The following SNRPN variants were observed in gnomAD, a reference collection of about 807,000 sequenced individuals.
SNRPN encodes the protein small nuclear ribonucleoprotein polypeptide N, also known as small nuclear ribonucleoprotein-associated protein N.
SNRPN carries 7 observed loss-of-function variants against 25.2 expected under a neutral mutation model. The observed-to-expected ratio is 0.28, with a 90% CI of 0.16 to 0.52. The LOEUF (loss-of-function observed/expected upper bound fraction) is 0.52, where lower values mean the gene tolerates loss of function less well. Ranked by LOEUF, SNRPN falls within the 20% of genes least tolerant of loss-of-function variation. SNRPN has a pLI of 0.96. For synonymous variants in SNRPN, 124 were observed against 110.6 expected (o/e 1.12, Z -0.76); for missense variants, 196 against 322.5 (o/e 0.61, Z 3.00).
intron 1 of SNRPN, among the ~76,000 whole-genome samples, chr15:24,870,013 G>T (rs12592134): frequency 6.6e-6 from 1 of 151,912 alleles, no homozygotes; most frequent in African/African-American, 2.4e-5. Context: ...TTCATAGCTC[G>T]AATTGTTCCA....
chr15:24,902,108 G>A (rs986714426), intron 2 of SNRPN, among the ~76,000 whole-genome samples: 8 of 152,160 alleles, frequency 5.3e-5, no homozygotes, highest in African/African-American at 7.2e-5. Context: ...TAGCATTTCC[G>A]TTGCATTTTT....
intron 2 of SNRPN, among the ~76,000 whole-genome samples, chr15:24,899,300 T>G (rs2058291298): frequency 6.6e-6 from 1 of 152,232 alleles, no homozygotes; most frequent in South Asian, 2.1e-4. Flanking sequence ...ATTCCTTTAA[T>G]TAAAAGAACT....
At chr15:24,955,097 C>G (rs1289376125) in intron 1 of SNRPN, 35 bp downstream of exon 1, 2 of 1,613,318 alleles carry the variant, frequency 1.2e-6, no homozygotes, top group African/African-American at 2.7e-5. Flanking sequence ...CAAGAGACAG[C>G]CTGGGGAGCG....
In SNRPN at chr15:24,864,033, T is replaced by TTA. The variant is rs1270870944; in HGVS notation, c.-579+7318_-579+7319insAT. Among the ~76,000 whole-genome samples the TTA allele has an allele frequency of 3.1e-4, 44 of 143,308 alleles. 3 individuals carry two copies. Among genetic ancestry groups the TTA allele is most frequent in the African/African-American group, 1.2e-3 (44 of 38,032 alleles). The allele number at this position is 143,308 out of a possible 152,430, so 94.0% of individuals were successfully genotyped here. ...TTTATTTATTTTTATTTTATTATTA[T>TTA]TTTTTTTTTTGGAGAGGGAGTCTCT... On this transcript the variant is annotated intron_variant, in intron 1 of 11. Transcript: ENST00000400097.
chr15:24,969,849 A>T (rs890514838), intron 3 of SNRPN, among the ~76,000 whole-genome samples: 1 of 152,208 alleles, frequency 6.6e-6, no homozygotes, highest in African/African-American at 2.4e-5. Flanking sequence ...ATGAAATTTT[A>T]TTGGAACACA....
chr15:24,892,880 G>A (rs12324146), intron 2 of SNRPN, among the ~76,000 whole-genome samples: 62,996 of 151,782 alleles, frequency 0.42, 14,333 homozygotes, highest in East Asian at 0.68. Context: ...GGGAAGATCC[G>A]GATCAAAAGG....
intron 1 of SNRPN, among the ~76,000 whole-genome samples, chr15:24,867,761 A>G (rs753879767): frequency 2.6e-5 from 4 of 152,104 alleles, no homozygotes; most frequent in Non-Finnish European, 2.9e-5. Context: ...GGTGGTTTTG[A>G]GCCATTGAAA....
intron 2 of SNRPN, among the ~76,000 whole-genome samples, chr15:24,845,003 A>G (rs2144330192): frequency 6.6e-6 from 1 of 152,244 alleles, no homozygotes; most frequent in South Asian, 2.1e-4. Context: ...AAGGGTGAAG[A>G]GTTTTGTTTT....
chr15:24,943,998 T>G, intron 3 of SNRPN, among the ~76,000 whole-genome samples: 1 of 152,016 alleles, frequency 6.6e-6, no homozygotes, highest in East Asian at 1.9e-4. Flanking sequence ...ATTTTTGTAT[T>G]TTTAGTAGAG....
At chr15:24,872,305 T>C (rs2055224366) in intron 1 of SNRPN, among the ~76,000 whole-genome samples, 2 of 116,922 alleles carry the variant, frequency 1.7e-5, no homozygotes, top group African/African-American at 2.9e-5. Flanking sequence ...GAGGCTAGGA[T>C]TACAGGTGCC....
chr15:24,936,790 G>C (rs1006308432), intron 3 of SNRPN, among the ~76,000 whole-genome samples: 4 of 152,050 alleles, frequency 2.6e-5, no homozygotes, highest in Non-Finnish European at 1.5e-5. Flanking sequence ...CATCCCACCA[G>C]GCCCCACGTC....
chr15:24,920,537 C>T (rs1199863719), intron 3 of SNRPN: 4 of 152,042 alleles, frequency 2.6e-5, no homozygotes. Flanking sequence ...GAGGAACACA[C>T]GTTGAGAGAG....
intron 1 of SNRPN, among the ~76,000 whole-genome samples, chr15:24,825,264 C>G (rs897116035): frequency 3.3e-5 from 5 of 149,484 alleles, no homozygotes; most frequent in Non-Finnish European, 5.9e-5. Flanking sequence ...ATTATGACCT[C>G]GCGCCATTGA....
In SNRPN at chr15:24,863,712, T is replaced by G. The variant is rs1365242631; in HGVS notation, c.-579+6996T>G. On this transcript the variant is annotated intron_variant, in intron 1 of 11. Transcript: ENST00000400097. ...TTGCCTAATCATTCCTGAAGATTCA[T>G]GTCTCCTCATTTCAGGGGGAGCCAC... is the stretch of plus-strand genomic sequence containing the variant. 2.0e-5 allele frequency among the ~76,000 whole-genome samples: 3 copies of G among 150,838 alleles called. 1 individual carries two copies. Among genetic ancestry groups the G allele is most frequent in the African/African-American group, 7.5e-5 (3 of 40,260 alleles).
chr15:24,892,213 C>T (rs2057736819), intron 2 of SNRPN, among the ~76,000 whole-genome samples: 1 of 152,140 alleles, frequency 6.6e-6, no homozygotes, highest in Non-Finnish European at 1.5e-5. Flanking sequence ...TCCTCTTCAG[C>T]CTTGGTACTT....
chr15:24,949,506 C>T (rs1388903305), intron 3 of SNRPN, among the ~76,000 whole-genome samples: 2 of 151,956 alleles, frequency 1.3e-5, no homozygotes, highest in Non-Finnish European at 2.9e-5. Context: ...AAAAAATTAC[C>T]TGGGCATGGT....
chr15:24,872,793 T>TA lies in SNRPN; in HGVS notation c.-578-13721dup, dbSNP rs1374266904. On this transcript the variant is annotated intron_variant, in intron 1 of 11. Coordinates refer to the SNRPN transcript ENST00000400097. The stretch of plus-strand genomic sequence containing the variant: ...AGCTGGGTGCGGTGGCTTACGCCTG[T>TA]AATCCCAGCACTTTGTGAGGCTGAG... Among the ~76,000 whole-genome samples, 41 of 100,536 alleles carry TA rather than the reference T, an allele frequency of 4.1e-4. 3 individuals are homozygous for TA. Among genetic ancestry groups the TA allele is most frequent in the African/African-American group, 1.4e-3 (41 of 28,342 alleles). The allele number at this position is 100,536 out of a possible 152,430, so 66.0% of individuals were successfully genotyped here.
chr15:24,832,343 T>C (rs983204629), intron 2 of SNRPN, among the ~76,000 whole-genome samples: 3 of 152,086 alleles, frequency 2.0e-5, no homozygotes, highest in Admixed American at 6.5e-5. Context: ...TTTCAACCAT[T>C]GCTACTCAAA....
At chr15:24,957,299 G>C (rs147750595) in intron 1 of SNRPN, among the ~76,000 whole-genome samples, 1 of 152,170 alleles carries the variant, frequency 6.6e-6, no homozygotes, top group African/African-American at 2.4e-5. Flanking sequence ...TCTTCTGGGA[G>C]TTGAAAGCTG....
Sources: allele counts gnomAD v4.1 joint callset (sites outside exome capture counted in the v4.1 genomes callset), GRCh38; gene constraint gnomAD v4.1.1; transcripts MANE v1.5; gene names NCBI Gene and HGNC (gene_info 2026-07-23, HGNC 2026-07-21).